RAB3C: variants seen among roughly 807,000 people sequenced by gnomAD.
The protein encoded by RAB3C is RAB3C, member RAS oncogene family.
A neutral mutation model predicts 26.4 loss-of-function variants in RAB3C; 17 were observed. The ratio of observed to expected loss-of-function variants is 0.64; its 90% CI spans 0.44 to 0.97. RAB3C has a LOEUF of 0.97. Ranked by LOEUF, RAB3C falls within the 50% of genes least tolerant of loss-of-function variation. The probability of loss-of-function intolerance (pLI) is 0.00; values close to 1 mark genes in which losing one functional copy is unlikely to be tolerated. For missense variants in RAB3C, 242 were observed against 281.9 expected (o/e 0.86, Z 1.01); for synonymous variants, 91 against 95.9 (o/e 0.95, Z 0.30).
At chr5:58,782,497 T>TAA (rs1405680585) in intron 3 of RAB3C, among the ~76,000 whole-genome samples, 1 of 152,202 alleles carries the variant, frequency 6.6e-6, no homozygotes, top group Non-Finnish European at 1.5e-5. Context: ...ATTATATATA[T>TAA]AATTACTCAT....
intron 1 of RAB3C, among the ~76,000 whole-genome samples, chr5:58,610,448 A>T (rs1268226159): frequency 6.6e-6 from 1 of 152,048 alleles, no homozygotes; most frequent in African/African-American, 2.4e-5. Flanking sequence ...CTGTTATAAT[A>T]GGTATACAGT....
intron 3 of RAB3C, among the ~76,000 whole-genome samples, chr5:58,787,628 A>G (rs1742421322): frequency 6.6e-6 from 1 of 152,200 alleles, no homozygotes; most frequent in South Asian, 2.1e-4. Context: ...TTAGAGAGAT[A>G]TATCTGCCAG....
intron 2 of RAB3C, among the ~76,000 whole-genome samples, chr5:58,703,081 T>C (rs1748880088): frequency 6.6e-6 from 1 of 152,206 alleles, no homozygotes; most frequent in Non-Finnish European, 1.5e-5. Flanking sequence ...TTTAATAAAA[T>C]AAGTAAGGAA....
chr5:58,629,636 A>G lies in RAB3C; in HGVS notation c.252+11766A>G, dbSNP rs551551782. Among the ~76,000 whole-genome samples, 3 of 152,320 alleles carry G rather than the reference A, an allele frequency of 2.0e-5. No homozygotes were observed. In the South Asian group the frequency reaches 6.2e-4, roughly 32 times the overall value. On this transcript the variant is annotated intron_variant, in intron 2 of 4. Transcript: ENST00000282878. ...GCAAGCAGAGGAGTGGGAAAGCTTT[A>G]TAATGGAAAAAAGGGGAGCGTTTAT...
intron 1 of RAB3C, among the ~76,000 whole-genome samples, chr5:58,617,203 C>T (rs940911711): frequency 1.3e-4 from 20 of 151,958 alleles, no homozygotes; most frequent in African/African-American, 4.8e-4. Context: ...GGTGTGCTTC[C>T]CTATGAAATA....
intron 3 of RAB3C, among the ~76,000 whole-genome samples, chr5:58,763,519 T>C (rs1001555123): frequency 2.0e-5 from 3 of 152,112 alleles, no homozygotes; most frequent in Non-Finnish European, 1.5e-5. Flanking sequence ...ACTGAGTGAG[T>C]AGATCTGGTT....
At chr5:58,765,564 TCA>T (rs1741883665) in intron 3 of RAB3C, among the ~76,000 whole-genome samples, 1 of 152,032 alleles carries the variant, frequency 6.6e-6, no homozygotes, top group African/African-American at 2.4e-5. Context: ...AAATATATAA[TCA>T]CATGTGAATG....
At chr5:58,713,145 G>T (rs1163810383) in intron 2 of RAB3C, among the ~76,000 whole-genome samples, 1 of 152,142 alleles carries the variant, frequency 6.6e-6, no homozygotes, top group Admixed American at 6.5e-5. Flanking sequence ...GGAGTGAGTG[G>T]TGGTACAGAT....
chr5:58,665,494 T>C (rs1747983853), intron 2 of RAB3C, among the ~76,000 whole-genome samples: 2 of 152,166 alleles, frequency 1.3e-5, no homozygotes, highest in Non-Finnish European at 1.5e-5. Context: ...AAACACTACA[T>C]CTTGGGCTCT....
intron 4 of RAB3C, among the ~76,000 whole-genome samples, chr5:58,830,381 G>C (rs888996173): frequency 3.4e-4 from 52 of 152,148 alleles, no homozygotes; most frequent in Non-Finnish European, 5.9e-5. Flanking sequence ...GCTAATGGGG[G>C]GAGTTTGCAT....
chr5:58,712,107 C>T (rs894203166), intron 2 of RAB3C, among the ~76,000 whole-genome samples: 4 of 152,178 alleles, frequency 2.6e-5, no homozygotes, highest in Non-Finnish European at 5.9e-5. Flanking sequence ...CACCAACCGT[C>T]CCCGTTCCTG....
intron 3 of RAB3C, among the ~76,000 whole-genome samples, chr5:58,808,827 A>T (rs1018323570): frequency 6.6e-6 from 1 of 152,206 alleles, no homozygotes. Flanking sequence ...CCATAACCAC[A>T]GAGTTTCTTA....
At chr5:58,804,754 T>G (rs1352106297) in intron 3 of RAB3C, among the ~76,000 whole-genome samples, 1 of 151,972 alleles carries the variant, frequency 6.6e-6, no homozygotes, top group Non-Finnish European at 1.5e-5. Context: ...TACACACCAT[T>G]AAACTAACAT....
chr5:58,751,342 A>T (rs912527249), intron 3 of RAB3C, among the ~76,000 whole-genome samples: 1 of 152,216 alleles, frequency 6.6e-6, no homozygotes, highest in African/African-American at 2.4e-5. Flanking sequence ...TTGATGACAC[A>T]TAGTAGGCAC....
intron 2 of RAB3C, among the ~76,000 whole-genome samples, chr5:58,634,627 A>G (rs1179092391): frequency 2.0e-5 from 3 of 152,174 alleles, no homozygotes; most frequent in African/African-American, 7.2e-5. Context: ...CAATCTCAGA[A>G]AGTTGTGTTT....
chr5:58,738,220 G>T (rs1346779799), intron 3 of RAB3C, among the ~76,000 whole-genome samples: 2 of 151,922 alleles, frequency 1.3e-5, no homozygotes, highest in African/African-American at 2.4e-5. Context: ...GTTCTGGCTT[G>T]TCTCAATAAA....
chr5:58,652,546 G>T (rs994507209), intron 2 of RAB3C, among the ~76,000 whole-genome samples: 13 of 151,796 alleles, frequency 8.6e-5, no homozygotes, highest in Non-Finnish European at 1.5e-4. Context: ...CTTAGAGCAG[G>T]TTGTCCAGAG....
At chr5:58,732,536 G>A (rs973069846) in intron 3 of RAB3C, among the ~76,000 whole-genome samples, 16 of 152,004 alleles carry the variant, frequency 1.1e-4, no homozygotes, top group Non-Finnish European at 1.5e-5. Flanking sequence ...GAATATTTGC[G>A]CACCTTCAGT....
At chr5:58,689,156 C>T (rs1034010666) in intron 2 of RAB3C, 6 of 152,204 alleles carry the variant, frequency 3.9e-5, no homozygotes, top group Admixed American at 1.3e-4. Context: ...TACTATGAGA[C>T]GAGACCAGAA....
Sources: gnomAD v4.1 joint callset for allele counts (sites outside exome capture counted in the v4.1 genomes callset) on GRCh38, gnomAD v4.1.1 for gene constraint, MANE v1.5 for transcripts, NCBI Gene and HGNC (gene_info 2026-07-23, HGNC 2026-07-21) for gene names.